JAK1: variants seen among roughly 807,000 people sequenced by gnomAD.
JAK1 encodes tyrosine-protein kinase JAK1.
In JAK1, 16 loss-of-function variants were observed where a neutral mutation model predicts 136.6. The observed-to-expected ratio is 0.12, with a 90% CI of 0.08 to 0.18. The LOEUF is 0.18. Ranked by LOEUF, JAK1 falls within the 10% of genes least tolerant of loss-of-function variation. The pLI is 1.00. For missense variants in JAK1, 859 were observed against 1,450.1 expected (o/e 0.59, Z 6.62); for synonymous variants, 492 against 519.5 (o/e 0.95, Z 0.72).
intron 11 of JAK1, 147 bp from the exon 12 acceptor site, chr1:64,851,057 G>A (rs548082588): frequency 4.7e-6 from 3 of 639,142 alleles, no homozygotes; most frequent in Non-Finnish European, 8.6e-6. Flanking sequence ...ATAGGCATAT[G>A]GCTCCTACCC....
chr1:64,902,583 AGTGT>A (rs1297802875), intron 1 of JAK1, among the ~76,000 whole-genome samples: 4 of 73,792 alleles, frequency 5.4e-5, no homozygotes, highest in South Asian at 6.4e-4. Flanking sequence ...AGAGAGAGAG[AGTGT>A]GTGTGTGTGT....
intron 4 of JAK1, among the ~76,000 whole-genome samples, chr1:64,874,057 A>G (rs1657239420): frequency 6.6e-6 from 1 of 152,178 alleles, no homozygotes; most frequent in African/African-American, 2.4e-5. Context: ...AGCTACCCAA[A>G]CACCACTACA....
In JAK1 at chr1:64,833,635, C is replaced by T. The variant is rs1353387216; in HGVS notation, c.*927G>A. On this transcript the variant is annotated 3_prime_UTR_variant, in exon 25 of 25. Transcript: ENST00000342505. ...AAAACAGGGATCAACCCTTGTAGAT[C>T]GGTGGTAAGTATGGAAACCCTCTAA... The T allele has an allele frequency of 8.6e-6, 2 of 232,838 alleles. No homozygotes were observed. Among genetic ancestry groups the T allele is most frequent in the East Asian group, 6.0e-5 (1 of 16,576 alleles). The allele number at this position is 232,838 out of a possible 1,614,324, so 14.4% of individuals were successfully genotyped here. A position where few individuals can be genotyped will look rare whatever the true frequency, so the allele number is the denominator to read the frequency against.
At chr1:65,014,078 G>A (rs1646872615) in intron 2 of JAK1, among the ~76,000 whole-genome samples, 1 of 152,032 alleles carries the variant, frequency 6.6e-6, no homozygotes, top group African/African-American at 2.4e-5. Flanking sequence ...GAGAATTAGA[G>A]AACAAGAAGG....
chr1:64,868,242 C>T (rs1041102919), intron 6 of JAK1, among the ~76,000 whole-genome samples: 2 of 152,034 alleles, frequency 1.3e-5, no homozygotes, highest in Non-Finnish European at 2.9e-5. Context: ...TTAAGAAGAA[C>T]GTTGAGTACC....
At chr1:64,988,137 A>G (rs970290818) in intron 2 of JAK1, among the ~76,000 whole-genome samples, 5 of 152,188 alleles carry the variant, frequency 3.3e-5, no homozygotes, top group African/African-American at 9.7e-5. Flanking sequence ...AAATTCGGCC[A>G]TATCAGGAAT....
At position 64,951,728 on chromosome 1, in the gene JAK1, T is replaced by C. The variant is rs914947401; in HGVS notation, c.-78+14605A>G. On this transcript the variant is annotated intron_variant, in intron 1 of 24. Transcript: ENST00000342505. Reference sequence around the variant, plus strand: ...GGCTGGAGTGCAGTGGCTCGATCTCTGCTCACTGCAAGCTCCACCTCCCGG... The same window carrying C: ...GGCTGGAGTGCAGTGGCTCGATCTCCGCTCACTGCAAGCTCCACCTCCCGG... Among the ~76,000 whole-genome samples the C allele has an allele frequency of 2.9e-5, 4 of 137,122 alleles. No homozygotes were observed. The Admixed American group carries it at 3.3e-4, about 11-fold the overall frequency. 90.0% of individuals were successfully genotyped at this position (137,122 alleles called of 152,430 possible).
intron 1 of JAK1, among the ~76,000 whole-genome samples, chr1:64,913,119 AT>A (rs1425707270): frequency 1.3e-5 from 2 of 152,176 alleles, no homozygotes; most frequent in African/African-American, 4.8e-5. Context: ...CCCAGGCTCA[AT>A]GCTGAATCCT....
rs554814758 is a variant in JAK1 at position 64,961,106 on chromosome 1, G to T, written c.-78+5227C>A. ...TGTATTCATCCACTTAACAACTCTTGCCTCTTAGGTTTCTTGTATTTAATT... is the reference window on the plus strand; with the variant it reads ...TGTATTCATCCACTTAACAACTCTTTCCTCTTAGGTTTCTTGTATTTAATT... On this transcript the variant is annotated intron_variant, in intron 1 of 24. Transcript: ENST00000342505. Among the ~76,000 whole-genome samples, 5 of 152,190 alleles carry T rather than the reference G, an allele frequency of 3.3e-5. No homozygotes were observed. In the South Asian group the frequency reaches 1.0e-3, roughly 32 times the overall value.
Position 64,880,808 on chromosome 1 carries a change from G to A in JAK1, c.206-1660C>T, listed in dbSNP as rs372429287. On this transcript the variant is annotated intron_variant, in intron 3 of 24. Coordinates refer to ENST00000342505, the MANE Select transcript of JAK1 (RefSeq NM_002227.4). Reference sequence around the variant, plus strand: ...ACATGGTGAAACCCCACAGCCAGGCGTGGTGGTGTGCACCTGTAATCCCAG... The same window carrying A: ...ACATGGTGAAACCCCACAGCCAGGCATGGTGGTGTGCACCTGTAATCCCAG... 2.0e-4 allele frequency among the ~76,000 whole-genome samples: 30 copies of A among 152,066 alleles called. 5 individuals are homozygous for A. The highest frequency in any genetic ancestry group is 1.6e-3 in the East Asian group (8 of 5,150).
chr1:64,848,230 G>C (rs1004831789), intron 12 of JAK1: 1 of 152,510 alleles, frequency 6.6e-6, no homozygotes, highest in Non-Finnish European at 1.5e-5. Flanking sequence ...CAGGGATGGA[G>C]GCTCCTGGTA....
rs988494840 is a variant in JAK1 at position 64,850,973 on chromosome 1, C to T, written c.1649-63G>A. ...AAGATCCGAGCTCTCAGACAGCCAA[C>T]GTCTGCTGAGCCGGGGCCGTGGGAC... On this transcript the variant is annotated intron_variant, in intron 11 of 24. Coordinates refer to ENST00000342505, the MANE Select transcript of JAK1 (RefSeq NM_002227.4). The T allele has an allele frequency of 3.1e-5, 35 of 1,144,750 alleles. 1 individual carries two copies. The highest frequency in any genetic ancestry group is 2.0e-4 in the African/African-American group (13 of 66,042). The allele number at this position is 1,144,750 out of a possible 1,614,324, so 70.9% of individuals were successfully genotyped here. A position where few individuals can be genotyped will look rare whatever the true frequency, so the allele number is the denominator to read the frequency against.
intron 1 of JAK1, among the ~76,000 whole-genome samples, chr1:64,959,152 G>A (rs187290106): frequency 4.6e-5 from 7 of 152,256 alleles, no homozygotes; most frequent in East Asian, 1.9e-4. Context: ...CATCAATAGC[G>A]CTTTTCCAAT....
intron 2 of JAK1, among the ~76,000 whole-genome samples, chr1:64,971,787 G>A (rs1646454790): frequency 6.6e-6 from 1 of 152,152 alleles, no homozygotes; most frequent in African/African-American, 2.4e-5. Flanking sequence ...TCAAACGCCT[G>A]ACCTCAAGTG....
At chr1:64,911,931 C>T (rs1354768900) in intron 1 of JAK1, among the ~76,000 whole-genome samples, 2 of 152,148 alleles carry the variant, frequency 1.3e-5, no homozygotes, top group Non-Finnish European at 2.9e-5. Context: ...AAATTCAAAA[C>T]TCTCATAAAA....
intron 1 of JAK1, among the ~76,000 whole-genome samples, chr1:64,911,839 C>T (rs939982461): frequency 4.6e-5 from 7 of 152,186 alleles, no homozygotes; most frequent in African/African-American, 1.7e-4. Context: ...CCTGATTTCA[C>T]AATTTTCTGT....
intron 11 of JAK1, among the ~76,000 whole-genome samples, chr1:64,853,338 C>T (rs551379536): frequency 6.6e-6 from 1 of 152,290 alleles, no homozygotes; most frequent in East Asian, 1.9e-4. Flanking sequence ...TTTCCAAAGA[C>T]AGTGTGACCT....
chr1:64,946,912 A>G (rs1645998393), intron 1 of JAK1, among the ~76,000 whole-genome samples: 1 of 152,212 alleles, frequency 6.6e-6, no homozygotes, highest in Non-Finnish European at 1.5e-5. Context: ...CATATGCAAA[A>G]ACATGGATAA....
intron 2 of JAK1, chr1:64,993,103 T>C (rs1357745594): frequency 6.6e-6 from 1 of 152,198 alleles, no homozygotes; most frequent in Non-Finnish European, 1.5e-5. Context: ...CAGAACATAA[T>C]CTCTTCTTGT....
Sources: allele counts gnomAD v4.1 joint callset (sites outside exome capture counted in the v4.1 genomes callset), GRCh38; gene constraint gnomAD v4.1.1; transcripts MANE v1.5; gene names NCBI Gene and HGNC (gene_info 2026-07-23, HGNC 2026-07-21).